ASTN1: variants seen among roughly 807,000 people sequenced by gnomAD.
The protein encoded by ASTN1 is astrotactin 1.
In ASTN1, 41 loss-of-function variants were observed where a neutral mutation model predicts 140.7. The observed-to-expected ratio is 0.29, with a 90% CI of 0.23 to 0.38. The LOEUF (loss-of-function observed/expected upper bound fraction) is 0.38. ASTN1 is among the 10% of genes least tolerant of loss of function. ASTN1 has a pLI of 1.00. For synonymous variants in ASTN1, 640 were observed against 652.2 expected (o/e 0.98, Z 0.29); for missense variants, 1,479 against 1,678.8 (o/e 0.88, Z 2.08).
At chr1:176,960,408 C>T (rs1418345945) in intron 9 of ASTN1, among the ~76,000 whole-genome samples, 2 of 152,160 alleles carry the variant, frequency 1.3e-5, no homozygotes, top group African/African-American at 2.4e-5. Context: ...TGCAGAGCAA[C>T]AAATCTGTGA....
intron 1 of ASTN1, among the ~76,000 whole-genome samples, chr1:177,151,971 G>A (rs1275690298): frequency 1.3e-5 from 2 of 152,110 alleles, no homozygotes; most frequent in African/African-American, 2.4e-5. Context: ...TTATGTCCTT[G>A]ACTGGTGGTA....
intron 19 of ASTN1, 147 bp downstream of exon 19, chr1:176,884,192 G>C (rs775794871): frequency 6.4e-6 from 6 of 931,328 alleles, no homozygotes; most frequent in Non-Finnish European, 9.3e-6. Context: ...TCCTGGAGAA[G>C]AAGAACAGCT....
intron 1 of ASTN1, among the ~76,000 whole-genome samples, chr1:177,064,261 T>G (rs1678238338): frequency 6.6e-6 from 1 of 152,178 alleles, no homozygotes. Flanking sequence ...GCTGCAGTCT[T>G]TTAAGTTTTT....
intron 1 of ASTN1, among the ~76,000 whole-genome samples, chr1:177,156,679 C>T (rs982504902): frequency 6.6e-6 from 1 of 152,218 alleles, no homozygotes; most frequent in East Asian, 1.9e-4. Flanking sequence ...TGGACCATAG[C>T]TCCCCATTCC....
At chr1:176,947,347 C>G (rs1439137409) in intron 12 of ASTN1, among the ~76,000 whole-genome samples, 1 of 152,088 alleles carries the variant, frequency 6.6e-6, no homozygotes, top group South Asian at 2.1e-4. Context: ...TGTTCATGCA[C>G]CTTTAACTGC....
At chr1:176,884,973 T>G (rs1408002362) in intron 18 of ASTN1, among the ~76,000 whole-genome samples, 3 of 152,254 alleles carry the variant, frequency 2.0e-5, no homozygotes, top group African/African-American at 7.2e-5. Context: ...GGATCTGCCG[T>G]GCTGGTGGGG....
intron 1 of ASTN1, among the ~76,000 whole-genome samples, chr1:177,062,219 A>G (rs1233199311): frequency 1.3e-5 from 2 of 151,858 alleles, no homozygotes; most frequent in Non-Finnish European, 2.9e-5. Context: ...TTAGTAAACC[A>G]TTGCTTTACA....
chr1:176,886,352 T>C (rs1669029822), intron 18 of ASTN1, among the ~76,000 whole-genome samples: 2 of 152,272 alleles, frequency 1.3e-5, no homozygotes. Context: ...ACATTATGGC[T>C]GGATCTTGTG....
At chr1:176,931,687 G>T (rs973936222) in intron 16 of ASTN1, among the ~76,000 whole-genome samples, 6 of 152,058 alleles carry the variant, frequency 3.9e-5, no homozygotes, top group Non-Finnish European at 8.8e-5. Flanking sequence ...TTACATATCT[G>T]CAATAAAACC....
At chr1:176,998,033 A>G (rs974536092) in intron 8 of ASTN1, among the ~76,000 whole-genome samples, 3 of 152,136 alleles carry the variant, frequency 2.0e-5, no homozygotes, top group Non-Finnish European at 4.4e-5. Context: ...CTGTCTTGCT[A>G]GGAGTCTTGA....
At chr1:177,024,755 A>T in intron 5 of ASTN1, 23 bp from the exon 6 acceptor site, 1 of 1,603,796 alleles carries the variant, frequency 6.2e-7, no homozygotes, top group Admixed American at 1.7e-5. Flanking sequence ...CAAAAGCAAG[A>T]TACATGGTGG....
chr1:176,887,502 C>T (rs901990858), intron 18 of ASTN1, among the ~76,000 whole-genome samples: 4 of 152,184 alleles, frequency 2.6e-5, no homozygotes, highest in Admixed American at 1.3e-4. Flanking sequence ...TTATCCTCTC[C>T]GTACTATAAT....
chr1:177,120,919 C>T (rs1247129100), intron 1 of ASTN1, among the ~76,000 whole-genome samples: 1 of 152,152 alleles, frequency 6.6e-6, no homozygotes, highest in Non-Finnish European at 1.5e-5. Flanking sequence ...TCTGATCATC[C>T]TATTGCTTGT....
chr1:177,092,744 C>CT (rs942665254), intron 1 of ASTN1, among the ~76,000 whole-genome samples: 5 of 152,076 alleles, frequency 3.3e-5, no homozygotes, highest in Admixed American at 1.3e-4. Context: ...TGTCCCAGCA[C>CT]TTTTTTTGAC....
chr1:177,137,667 T>C (rs1035726562), intron 1 of ASTN1, among the ~76,000 whole-genome samples: 1 of 152,176 alleles, frequency 6.6e-6, no homozygotes, highest in Non-Finnish European at 1.5e-5. Flanking sequence ...AGCCTTGGCA[T>C]TAACTCTTTT....
In ASTN1 at chr1:176,949,328, C is replaced by G; in HGVS notation, c.1911G>C (p.Met637Ile). The G allele has an allele frequency of 6.2e-7, 1 of 1,614,050 alleles. No individual in the cohort carries two copies. Among genetic ancestry groups the G allele is most frequent in the Non-Finnish European group, 8.5e-7 (1 of 1,180,016 alleles). ...GCVCPSGLSP[M>I]KDSSGCYDRH... ...GGTCATAGCAGCCAGAGCTGTCCTT[C>G]ATGGGACTGAGTCCAGATGGGCACT... is the stretch of plus-strand genomic sequence containing the variant. Residue 637 changes from methionine to isoleucine, a missense_variant, in exon 12 of 23, where the codon ATG becomes ATC. Physicochemically the swap from Met to Ile is conservative, Grantham distance 10. Transcript: ENST00000361833.
chr1:177,117,617 A>G (rs1681158378), intron 1 of ASTN1, among the ~76,000 whole-genome samples: 2 of 151,790 alleles, frequency 1.3e-5, no homozygotes, highest in South Asian at 4.2e-4. Context: ...CTTCCCACCC[A>G]CCCCCTAATA....
At chr1:176,871,502 A>G (rs1668342744) in intron 21 of ASTN1, among the ~76,000 whole-genome samples, 1 of 152,176 alleles carries the variant, frequency 6.6e-6, no homozygotes, top group South Asian at 2.1e-4. Context: ...CTCATAACAT[A>G]GTAGTCATAT....
chr1:176,971,527 C>T (rs1467460472), intron 8 of ASTN1, among the ~76,000 whole-genome samples: 1 of 152,124 alleles, frequency 6.6e-6, no homozygotes, highest in African/African-American at 2.4e-5. Context: ...ATCCCCTGTC[C>T]CTCAACTGCT....
Sources: gnomAD v4.1 joint callset for allele counts (sites outside exome capture counted in the v4.1 genomes callset) on GRCh38, gnomAD v4.1.1 for gene constraint, MANE v1.5 for transcripts, NCBI Gene and HGNC (gene_info 2026-07-23, HGNC 2026-07-21) for gene names.